Variants in PSMD14 observed in about 807,000 individuals in gnomAD.
PSMD14 encodes proteasome 26S subunit, non-ATPase 14.
A neutral mutation model predicts 41.2 loss-of-function variants in PSMD14; 7 were observed. That is an observed-to-expected ratio of 0.17 (90% CI 0.10 to 0.32). The LOEUF (loss-of-function observed/expected upper bound fraction) is 0.32, where lower values mean the gene tolerates loss of function less well. Ranked by LOEUF, PSMD14 falls within the 10% of genes least tolerant of loss-of-function variation. PSMD14 has a pLI of 1.00. For synonymous variants in PSMD14, 114 were observed against 122.3 expected, an observed-to-expected ratio of 0.93 and a Z score of 0.45; for missense variants, 139 against 375.6, an observed-to-expected ratio of 0.37 and a Z score of 5.21.
At chr2:161,342,826 T>A (rs538994631) in intron 3 of PSMD14, among the ~76,000 whole-genome samples, 1 of 152,320 alleles carries the variant, frequency 6.6e-6, no homozygotes, top group Admixed American at 6.5e-5. Flanking sequence ...TTCCATTATA[T>A]CCCCTTTGTT....
intron 3 of PSMD14, among the ~76,000 whole-genome samples, chr2:161,330,731 C>G (rs1476252158): frequency 6.6e-6 from 1 of 152,190 alleles, no homozygotes; most frequent in Non-Finnish European, 1.5e-5. Flanking sequence ...GCTTTTTAAG[C>G]TGTTGCCCGT....
chr2:161,336,952 T>C (rs1682880638), intron 3 of PSMD14, among the ~76,000 whole-genome samples: 1 of 152,256 alleles, frequency 6.6e-6, no homozygotes, highest in African/African-American at 2.4e-5. Flanking sequence ...CTTCATTTTT[T>C]ATAAACATTA....
chr2:161,394,967 T>C, intron 9 of PSMD14, 111 bp from the exon 10 acceptor site: 1 of 958,356 alleles, frequency 1.0e-6, no homozygotes. Context: ...ATTAATAAAG[T>C]TAAATCCATT....
intron 3 of PSMD14, chr2:161,340,703 C>G (rs1277411815): frequency 6.4e-7 from 1 of 1,552,528 alleles, no homozygotes; most frequent in African/African-American, 1.4e-5. Flanking sequence ...ATGGAGGCAG[C>G]ATGCACCCTG....
chr2:161,386,541 G>A (rs1683638783), intron 8 of PSMD14, among the ~76,000 whole-genome samples: 2 of 151,516 alleles, frequency 1.3e-5, no homozygotes, highest in African/African-American at 4.8e-5. Context: ...TTGTTTTAAA[G>A]GATTGAGGTG....
At chr2:161,403,085 G>GTGTATA (rs1683902311) in intron 10 of PSMD14, among the ~76,000 whole-genome samples, 1 of 152,136 alleles carries the variant, frequency 6.6e-6, no homozygotes, top group Non-Finnish European at 1.5e-5. Flanking sequence ...AACAAAAAGC[G>GTGTATA]TGTATATGAA....
At chr2:161,408,948 T>G (rs1683990837) in intron 11 of PSMD14, 49 bp downstream of exon 11, 2 of 1,474,630 alleles carry the variant, frequency 1.4e-6, no homozygotes, top group African/African-American at 2.8e-5. Context: ...AACATGTTCT[T>G]ATAGAGTTAA....
Position 161,341,050 on chromosome 2 carries a change from C to A in PSMD14, c.48+22177C>A. The A allele has an allele frequency of 3.2e-6, 5 of 1,586,674 alleles. No homozygotes were observed. The South Asian group carries it at 4.5e-5, about 14-fold the overall frequency. ...GCCGCCGCGGGATCCCCTGGCCCTT[C>A]GGGCTCCCCCGGTCCCGCAGGCTCC... On this transcript the variant is annotated intron_variant, in intron 3 of 11. Coordinates refer to ENST00000409682, the MANE Select transcript of PSMD14 (RefSeq NM_005805.6).
chr2:161,367,388 A>T, intron 3 of PSMD14, 90 bp from the exon 4 acceptor site: 1 of 1,086,154 alleles, frequency 9.2e-7, no homozygotes. Context: ...AACTATTTTA[A>T]AAATATCAAG....
rs1162637393 is a variant in PSMD14, at chr2:161,389,889, G to GTTTTTTT, written c.571-1198_571-1192dup. 4.5e-4 allele frequency among the ~76,000 whole-genome samples: 9 copies of GTTTTTTT among 20,044 alleles called. 1 individual carries two copies. The highest frequency in any genetic ancestry group is 1.1e-3 in the African/African-American group (7 of 6,552). 13.1% of individuals were successfully genotyped at this position (20,044 alleles called of 152,430 possible). A position where few individuals can be genotyped will look rare whatever the true frequency, so the allele number is the denominator to read the frequency against. On this transcript the variant is annotated intron_variant, in intron 8 of 11. Coordinates refer to ENST00000409682, the MANE Select transcript of PSMD14 (RefSeq NM_005805.6). ...TGTCTTATTTTCTTTCTTTTTTGTT[G>GTTTTTTT]TTTTTTTTTTTTTTTTTTTTTTTAG...
chr2:161,338,588 T>C (rs1469093872), intron 3 of PSMD14, among the ~76,000 whole-genome samples: 2 of 152,144 alleles, frequency 1.3e-5, no homozygotes, highest in African/African-American at 2.4e-5. Flanking sequence ...TTATAATACT[T>C]TTTGAATTTT....
At chr2:161,387,968 T>C (rs1426998618) in intron 8 of PSMD14, among the ~76,000 whole-genome samples, 1 of 151,988 alleles carries the variant, frequency 6.6e-6, no homozygotes, top group African/African-American at 2.4e-5. Flanking sequence ...TATATGATAA[T>C]GTATATTATT....
chr2:161,394,238 C>T (rs537474766), intron 9 of PSMD14, among the ~76,000 whole-genome samples: 1 of 152,084 alleles, frequency 6.6e-6, no homozygotes. Context: ...TCCCAAAGTG[C>T]TGGGATTACA....
intron 8 of PSMD14, among the ~76,000 whole-genome samples, chr2:161,389,983 G>A (rs1683691868): frequency 7.1e-6 from 1 of 140,676 alleles, no homozygotes; most frequent in South Asian, 2.3e-4. Context: ...TCCTGCCTCA[G>A]CCTCCCAGAG....
At chr2:161,381,253 T>A (rs1042214484) in intron 7 of PSMD14, 1 of 149,668 alleles carries the variant, frequency 6.7e-6, no homozygotes, top group Non-Finnish European at 1.5e-5. Context: ...GGTATACATA[T>A]ATAATACATA....
At chr2:161,390,929 AG>A (rs1297234096) in intron 8 of PSMD14, among the ~76,000 whole-genome samples, 174 bp from the exon 9 acceptor site, 2 of 152,180 alleles carry the variant, frequency 1.3e-5, no homozygotes, top group Non-Finnish European at 2.9e-5. Flanking sequence ...TCTAAACCTT[AG>A]TTTTAAACTT....
intron 3 of PSMD14, among the ~76,000 whole-genome samples, chr2:161,339,114 A>T (rs866586672): frequency 1.3e-5 from 2 of 152,188 alleles, no homozygotes; most frequent in South Asian, 4.1e-4. Context: ...TATGTACATG[A>T]CATTGTATGG....
chr2:161,315,381 G>A (rs909343133), intron 1 of PSMD14, among the ~76,000 whole-genome samples: 1 of 152,096 alleles, frequency 6.6e-6, no homozygotes, highest in Admixed American at 6.5e-5. Context: ...ATTCATCTTT[G>A]ATTTTGTAGT....
intron 3 of PSMD14, among the ~76,000 whole-genome samples, chr2:161,321,107 T>TA (rs1682577521): frequency 6.6e-6 from 1 of 152,162 alleles, no homozygotes. Context: ...TAGGCACCAA[T>TA]AGTAGTAAAA....
Sources: allele counts gnomAD v4.1 joint callset (sites outside exome capture counted in the v4.1 genomes callset), GRCh38; gene constraint gnomAD v4.1.1; transcripts MANE v1.5; gene names NCBI Gene and HGNC (gene_info 2026-07-23, HGNC 2026-07-21).